The following KPNB1 variants were observed in gnomAD, a reference collection of about 807,000 sequenced individuals.
The protein encoded by KPNB1 is importin subunit beta-1.
In KPNB1, 7 loss-of-function variants were observed where a neutral mutation model predicts 113.0. That is an observed-to-expected ratio of 0.06 (90% CI 0.04 to 0.12). The LOEUF (loss-of-function observed/expected upper bound fraction) is 0.12, where lower values mean the gene tolerates loss of function less well. Ranked by LOEUF, KPNB1 falls within the 10% of genes least tolerant of loss-of-function variation. The pLI, the probability that KPNB1 is intolerant of heterozygous loss-of-function variation, is 1.00. For missense variants in KPNB1, 400 were observed against 1,054.8 expected, an observed-to-expected ratio of 0.38 and a Z score of 8.60; for synonymous variants, 363 against 378.6, an observed-to-expected ratio of 0.96 and a Z score of 0.48.
chr17:47,675,461 C>T (rs1172432278), intron 15 of KPNB1, among the ~76,000 whole-genome samples: 1 of 146,726 alleles, frequency 6.8e-6, no homozygotes, highest in Non-Finnish European at 1.5e-5. Flanking sequence ...CCACAGCCTC[C>T]ACCTCCCAGG....
In KPNB1 at chr17:47,665,507, A is replaced by G. The variant is rs1202639174; in HGVS notation, c.999+349A>G. On this transcript the variant is annotated intron_variant, in intron 9 of 21. Transcript: ENST00000290158. Reference sequence around the variant, plus strand: ...TGTGCTGGTTTTAGGCCACTTGCGTATCTGTTGTAATATCCAGGATACTTT... The same window carrying G: ...TGTGCTGGTTTTAGGCCACTTGCGTGTCTGTTGTAATATCCAGGATACTTT... Among the ~76,000 whole-genome samples the G allele has an allele frequency of 2.0e-5, 3 of 152,220 alleles. No homozygotes were observed. The East Asian group carries it at 5.8e-4, about 29-fold the overall frequency.
chr17:47,677,145 A>G lies in KPNB1; in HGVS notation c.2103+18A>G, dbSNP rs1424028321. 4.6e-6 allele frequency: 7 copies of G among 1,514,746 alleles called. No homozygotes were observed. Among genetic ancestry groups the G allele is most frequent in the East Asian group, 4.5e-5 (2 of 44,360 alleles). 93.8% of individuals were successfully genotyped at this position (1,514,746 alleles called of 1,614,324 possible). On this transcript the variant is annotated intron_variant, in intron 17 of 21. Transcript: ENST00000290158. ...ATTTGGGGGTGAGTATCTACACACA[A>G]TCTAATTAACCAGTCTTCTTTGAAG...
In KPNB1 at chr17:47,665,177, A is replaced by G. The variant is rs1264741420; in HGVS notation, c.999+19A>G. Reference sequence around the variant, plus strand: ...TAAACAGGTGAGTTACCTTCCAAATATAGGTAGGTAAGCTGTGGAACCTTA... The same window carrying G: ...TAAACAGGTGAGTTACCTTCCAAATGTAGGTAGGTAAGCTGTGGAACCTTA... On this transcript the variant is annotated intron_variant, in intron 9 of 21. Coordinates refer to ENST00000290158, the MANE Select transcript of KPNB1 (RefSeq NM_002265.6). 2 of 1,558,034 alleles carry G rather than the reference A, an allele frequency of 1.3e-6. No individual in the cohort carries two copies. The highest frequency in any genetic ancestry group is 1.8e-6 in the Non-Finnish European group (2 of 1,128,828).
chr17:47,674,751 T>C lies in KPNB1; in HGVS notation c.1881T>C (p.Asp627=), dbSNP rs1365737595. The change falls in exon 15 of 22, where the codon GAT becomes GAC. Residue 627 remains aspartate (D), a synonymous_variant. Coordinates refer to ENST00000290158, the MANE Select transcript of KPNB1 (RefSeq NM_002265.6). ...CTGGGTCTGGGGGAGTACAAGAGGA[T>C]GCCCTGATGGCAGTTAGCACACTGG... is the stretch of plus-strand genomic sequence containing the variant. ...STAGSGGVQE[D]ALMAVSTLVE... is the part of the protein sequence containing the mutation. The C allele has an allele frequency of 1.9e-6, 3 of 1,613,600 alleles. No individual in the cohort carries two copies. In the Admixed American group the frequency reaches 5.0e-5, roughly 27 times the overall value.
intron 9 of KPNB1, among the ~76,000 whole-genome samples, chr17:47,666,209 C>T (rs1351400135): frequency 6.6e-6 from 1 of 151,828 alleles, no homozygotes; most frequent in Non-Finnish European, 1.5e-5. Flanking sequence ...CGCACCACCA[C>T]GCCCAGCTAA....
At chr17:47,655,657 C>G (rs1915697132) in intron 3 of KPNB1, among the ~76,000 whole-genome samples, 1 of 152,174 alleles carries the variant, frequency 6.6e-6, no homozygotes, top group Non-Finnish European at 1.5e-5. Flanking sequence ...ATAAGACCCA[C>G]CTGAATGCCC....
At position 47,656,890 on chromosome 17, in the gene KPNB1, C is replaced by A. The variant is rs1233053404; in HGVS notation, c.313C>A (p.Arg105=). The A allele has an allele frequency of 6.2e-7, 1 of 1,614,124 alleles. No individual in the cohort carries two copies. ...GCAGACATTGGGTACAGAAACTTACCGGCCTAGTTCTGCCTCACAGTGTGT... is the reference window on the plus strand; with the variant it reads ...GCAGACATTGGGTACAGAAACTTACAGGCCTAGTTCTGCCTCACAGTGTGT... ...VLQTLGTETY[R]PSSASQCVAG... is the part of the protein sequence containing the mutation. Residue 105 remains arginine, a synonymous_variant, in exon 4 of 22, where the codon CGG becomes AGG. Coordinates refer to ENST00000290158, the MANE Select transcript of KPNB1 (RefSeq NM_002265.6).
intron 6 of KPNB1, among the ~76,000 whole-genome samples, chr17:47,661,517 G>C (rs1036500646): frequency 6.6e-6 from 1 of 152,130 alleles, no homozygotes; most frequent in African/African-American, 2.4e-5. Context: ...TACAAGAATC[G>C]CTTGAACCTG....
chr17:47,674,817 T>C (rs562940149), intron 15 of KPNB1, 35 bp downstream of exon 15: 1 of 1,584,842 alleles, frequency 6.3e-7, no homozygotes, highest in East Asian at 2.2e-5. Flanking sequence ...AGGGAATGTC[T>C]TTGGAATGTA....
intron 5 of KPNB1, among the ~76,000 whole-genome samples, chr17:47,659,908 A>AT (rs1199190302): frequency 6.9e-5 from 10 of 145,318 alleles, no homozygotes; most frequent in African/African-American, 1.3e-4. Context: ...CAAAAAAAAA[A>AT]AATATATATA....
intron 8 of KPNB1, 45 bp from the exon 9 acceptor site, chr17:47,665,012 A>C: frequency 6.9e-7 from 1 of 1,441,578 alleles, no homozygotes. Flanking sequence ...TTTAGTATAC[A>C]GAGCTCGGTT....
rs138445847 is a variant in KPNB1, at chr17:47,668,227, A to G, written c.1041A>G (p.Ala347=). The change falls in exon 10 of 22, where the codon GCA becomes GCG. Residue 347 remains alanine, a synonymous_variant. Coordinates refer to ENST00000290158, the MANE Select transcript of KPNB1 (RefSeq NM_002265.6). The part of the protein sequence containing the change: ...DDDDDWNPCK[A]AGVCLMLLAT... Reference sequence around the variant, plus strand: ...ACGATGACTGGAACCCCTGCAAAGCAGCAGGGGTGTGCCTCATGCTTCTGG... The same window carrying G: ...ACGATGACTGGAACCCCTGCAAAGCGGCAGGGGTGTGCCTCATGCTTCTGG... The G allele has an allele frequency of 3.6e-5, 58 of 1,614,084 alleles. No homozygotes were observed. In the African/African-American group the frequency reaches 7.3e-4, roughly 20 times the overall value.
chr17:47,666,762 GCA>G (rs2030300084), intron 9 of KPNB1, among the ~76,000 whole-genome samples: 3 of 151,604 alleles, frequency 2.0e-5, no homozygotes, highest in African/African-American at 7.3e-5. Context: ...GGGACTACAG[GCA>G]TGCACCACCA....
chr17:47,682,357 G>C lies in KPNB1; in HGVS notation c.*-47G>C, dbSNP rs2030810176. 5 of 780,650 alleles carry C rather than the reference G, an allele frequency of 6.4e-6. No individual in the cohort carries two copies. The South Asian group carries it at 6.7e-5, about 10-fold the overall frequency. The allele number at this position is 780,650 out of a possible 1,614,324, so 48.4% of individuals were successfully genotyped here. A position where few individuals can be genotyped will look rare whatever the true frequency, so the allele number is the denominator to read the frequency against. ...GGAGTCAGCATTATTGGCTCTGTTG[G>C]GTATATGTGATCTCAAAGATTGACC... On this transcript the variant is annotated intron_variant, in intron 21 of 21. Transcript: ENST00000290158.
At chr17:47,662,744 A>T (rs540992845) in intron 6 of KPNB1, among the ~76,000 whole-genome samples, 100 of 152,008 alleles carry the variant, frequency 6.6e-4, no homozygotes, top group Admixed American at 5.8e-3. Flanking sequence ...TTAGCCGGGC[A>T]TGGTGGCGGG....
chr17:47,656,259 C>CA (rs11343864), intron 3 of KPNB1, among the ~76,000 whole-genome samples: 18 of 147,974 alleles, frequency 1.2e-4, no homozygotes, highest in African/African-American at 2.0e-4. Context: ...GACTTTGTCT[C>CA]AAAAAAAAAA....
chr17:47,666,904 A>G (rs1417600637), intron 9 of KPNB1, among the ~76,000 whole-genome samples: 1 of 152,108 alleles, frequency 6.6e-6, no homozygotes, highest in Non-Finnish European at 1.5e-5. Flanking sequence ...GGCATGAGCC[A>G]CTGCACCCGG....
chr17:47,650,833 G>A (rs1425976169), intron 2 of KPNB1, among the ~76,000 whole-genome samples: 5 of 152,150 alleles, frequency 3.3e-5, no homozygotes, highest in Admixed American at 2.0e-4. Context: ...GGGCCCGGCC[G>A]CCCGCCCTGT....
intron 3 of KPNB1, among the ~76,000 whole-genome samples, chr17:47,653,214 G>C (rs1480472308): frequency 6.6e-6 from 1 of 151,006 alleles, no homozygotes; most frequent in Non-Finnish European, 1.5e-5. Context: ...TTGTTAATAG[G>C]TATTTCCAAG....
Sources: allele counts gnomAD v4.1 joint callset (sites outside exome capture counted in the v4.1 genomes callset), GRCh38; gene constraint gnomAD v4.1.1; transcripts MANE v1.5; gene names NCBI Gene and HGNC (gene_info 2026-07-23, HGNC 2026-07-21).